The following ENO1 variants were observed in gnomAD, a reference collection of about 807,000 sequenced individuals.
The protein encoded by ENO1 is enolase 1.
ENO1 carries 33 observed loss-of-function variants against 46.3 expected under a neutral mutation model. The observed-to-expected ratio is 0.71, with a 90% confidence interval of 0.54 to 0.95. The LOEUF (loss-of-function observed/expected upper bound fraction) is 0.95, where lower values mean the gene tolerates loss of function less well. Among genes scored for constraint, ENO1 ranks in the 40% least tolerant of loss-of-function variants. ENO1 has a pLI of 0.00. For synonymous variants in ENO1, 220 were observed against 216.0 expected (o/e 1.02, Z -0.16); for missense variants, 488 against 553.3 (o/e 0.88, Z 1.18).
Position 8,862,965 on chromosome 1 carries a change from A to G in ENO1, c.1177-20T>C. On this transcript the variant is annotated intron_variant, in intron 10 of 11. Transcript: ENST00000234590. The stretch of plus-strand genomic sequence containing the variant: ...CTTGATCTAGGAGAAAAGAAAGGCC[A>G]TTTGCTTACAGCGGACAAGCTTTGC... 6.2e-7 allele frequency: 1 copy of G among 1,613,780 alleles called. No homozygotes were observed. The highest frequency in any genetic ancestry group is 8.5e-7 in the Non-Finnish European group (1 of 1,179,744).
intron 7 of ENO1, among the ~76,000 whole-genome samples, chr1:8,865,742 T>C (rs1642498511): frequency 6.6e-6 from 1 of 152,162 alleles, no homozygotes; most frequent in Non-Finnish European, 1.5e-5. Flanking sequence ...CCAAATTTAG[T>C]GCCCAGGAAC....
At chr1:8,873,468 C>A (rs1209419614) in intron 2 of ENO1, among the ~76,000 whole-genome samples, 1 of 152,214 alleles carries the variant, frequency 6.6e-6, no homozygotes, top group Non-Finnish European at 1.5e-5. Flanking sequence ...CAACAATCTT[C>A]TAGCATCTGG....
chr1:8,865,500 C>A lies in ENO1; in HGVS notation c.668-18G>T, dbSNP rs1275697380. 1 of 1,611,826 alleles carries A rather than the reference C, an allele frequency of 6.2e-7. No homozygotes were observed. The highest frequency in any genetic ancestry group is 1.7e-5 in the Admixed American group (1 of 59,978). On this transcript the variant is annotated intron_variant, in intron 7 of 11. Transcript: ENST00000234590. ...CTCCAGGCCTGGGAAGAGATGGTGA[C>A]AACAGGTTTGGAAAACAGGTAGGTA... is the stretch of plus-strand genomic sequence containing the variant.
chr1:8,861,261 C>A lies in ENO1; in HGVS notation c.*99G>T. The A allele has an allele frequency of 1.6e-6, 2 of 1,259,534 alleles. No individual in the cohort carries two copies. The highest frequency in any genetic ancestry group is 2.3e-6 in the Non-Finnish European group (2 of 870,728). The allele number at this position is 1,259,534 out of a possible 1,614,324, so 78.0% of individuals were successfully genotyped here. Reference sequence around the variant, plus strand: ...GGTGGGGCGCTAACTAGCAGGGACCCCTGCAAGTGTTGGTCGGGGGCCTCG... The same window carrying A: ...GGTGGGGCGCTAACTAGCAGGGACCACTGCAAGTGTTGGTCGGGGGCCTCG... On this transcript the variant is annotated 3_prime_UTR_variant, in exon 12 of 12. Transcript: ENST00000234590.
Position 8,875,008 on chromosome 1 carries a change from C to T in ENO1, c.-9-91G>A. On this transcript the variant is annotated intron_variant, in intron 1 of 11. Coordinates refer to ENST00000234590, the MANE Select transcript of ENO1 (RefSeq NM_001428.5). ...AGGAATCACTTCCGAGGTTCGTGGA[C>T]TAGAGAGAATCAGCACTGGACTAAA... 3 of 1,095,550 alleles carry T rather than the reference C, an allele frequency of 2.7e-6. No homozygotes were observed. The South Asian group carries it at 4.1e-5, about 15-fold the overall frequency. 67.9% of individuals were successfully genotyped at this position (1,095,550 alleles called of 1,614,324 possible).
Position 8,865,349 on chromosome 1 carries a change from G to A in ENO1, c.801C>T (p.Pro267=), listed in dbSNP as rs1292477022. The A allele has an allele frequency of 1.2e-6, 2 of 1,614,208 alleles. No individual in the cohort carries two copies. Among genetic ancestry groups the A allele is most frequent in the Non-Finnish European group, 1.7e-6 (2 of 1,180,034 alleles). Residue 267 remains proline (P), a synonymous_variant, in exon 8 of 12, where the codon CCC becomes CCT. Coordinates refer to ENST00000234590, the MANE Select transcript of ENO1 (RefSeq NM_001428.5). ...GCTGGTCAGGCGAGATGTACCTGCT[G>A]GGGTCATCGGGAGACTTGAAGTCCA... The part of the protein sequence containing the change: ...YDLDFKSPDD[P]SRYISPDQLA...
chr1:8,869,935 G>T (rs541229444), intron 4 of ENO1, among the ~76,000 whole-genome samples: 1 of 152,326 alleles, frequency 6.6e-6, no homozygotes, highest in South Asian at 2.1e-4. Context: ...GGGACGGGCC[G>T]AAGGGAGGGT....
intron 3 of ENO1, chr1:8,871,469 G>A (rs1642631281): frequency 9.9e-7 from 1 of 1,008,758 alleles, no homozygotes. Context: ...ATTCAGGGCA[G>A]GTCATTGGTT....
In ENO1 at chr1:8,865,458, A is replaced by G; in HGVS notation, c.692T>C (p.Ile231Thr). 3 of 1,613,330 alleles carry G rather than the reference A, an allele frequency of 1.9e-6. No homozygotes were observed. Among genetic ancestry groups the G allele is most frequent in the Non-Finnish European group, 2.5e-6 (3 of 1,180,002 alleles). Residue 231 changes from isoleucine (I) to threonine (T), a missense_variant, in exon 8 of 12, where the codon ATT (isoleucine) becomes ACT (threonine). Ile to Thr is a moderately conservative substitution (Grantham distance 89). Transcript: ENST00000234590. ...KEGLELLKTA[I>T]GKAGYTDKVV... ...CTTATCAGTGTAGCCAGCTTTCCCAATAGCAGTCTTCAGCAGCTCCAGGCC... is the reference window on the plus strand; with the variant it reads ...CTTATCAGTGTAGCCAGCTTTCCCAGTAGCAGTCTTCAGCAGCTCCAGGCC...
At chr1:8,862,444 A>T (rs571677716) in intron 11 of ENO1, among the ~76,000 whole-genome samples, 1 of 152,090 alleles carries the variant, frequency 6.6e-6, no homozygotes, top group Non-Finnish European at 1.5e-5. Flanking sequence ...GGAAAGGGAG[A>T]CCAGAACAGC....
chr1:8,871,809 C>A, intron 3 of ENO1, 82 bp downstream of exon 3: 1 of 1,468,028 alleles, frequency 6.8e-7, no homozygotes, highest in South Asian at 1.2e-5. Flanking sequence ...GTGCAAGTGC[C>A]ACCCAGAGAG....
Position 8,865,291 on chromosome 1 carries a change from A to G in ENO1, c.859T>C (p.Tyr287His). ...GCACTCGGGGAACACTCACCTGGGT[A>G]GTCCTTGATGAAGGACTTGTACAGG... ...ADLYKSFIKD[Y>H]PVVSIEDPFD... The change falls in exon 8 of 12, where the codon TAC becomes CAC. Residue 287 changes from tyrosine (Y) to histidine (H), a missense_variant. By Grantham distance (83) the Tyr-to-His change is moderately conservative (BLOSUM62 2). Transcript: ENST00000234590. 6.2e-7 allele frequency: 1 copy of G among 1,614,196 alleles called. No individual in the cohort carries two copies. The highest frequency in any genetic ancestry group is 1.1e-5 in the South Asian group (1 of 91,088).
intron 2 of ENO1, among the ~76,000 whole-genome samples, chr1:8,873,494 A>G (rs1051687492): frequency 2.6e-5 from 4 of 152,306 alleles, no homozygotes; most frequent in African/African-American, 9.6e-5. Context: ...TTTGTTGCTT[A>G]AAGTTCATTA....
chr1:8,866,283 T>C lies in ENO1; in HGVS notation c.663A>G (p.Lys221=), dbSNP rs778837027. ...GGFAPNILEN[K]EGLELLKTAI... ...GCGGTTCCCTAGCGCCTTTACCTTC[T>C]TTATTCTCCAGGATGTTGGGAGCAA... is the stretch of plus-strand genomic sequence containing the variant. Residue 221 remains lysine, a synonymous_variant, in exon 7 of 12, where the codon AAA becomes AAG. Transcript: ENST00000234590. 5 of 1,613,864 alleles carry C rather than the reference T, an allele frequency of 3.1e-6. No homozygotes were observed. Among genetic ancestry groups the C allele is most frequent in the Non-Finnish European group, 4.2e-6 (5 of 1,180,032 alleles).
chr1:8,871,826 ACTGGG>A, intron 3 of ENO1, 60 bp downstream of exon 3: 1 of 1,553,984 alleles, frequency 6.4e-7, no homozygotes, highest in Non-Finnish European at 8.9e-7. Flanking sequence ...AGAGGACAGG[ACTGGG>A]CAAGGCCAGG....
At chr1:8,876,206 C>T (rs1642728609) in intron 1 of ENO1, 1 of 152,116 alleles carries the variant, frequency 6.6e-6, no homozygotes, top group Admixed American at 6.6e-5. Context: ...TACCTGGGCT[C>T]CCCTCCAACA....
chr1:8,863,275 G>T lies in ENO1; in HGVS notation c.1136C>A (p.Thr379Asn). The change falls in exon 10 of 12, where the codon ACC (threonine) becomes AAC (asparagine). Residue 379 changes from threonine to asparagine, a missense_variant. Transcript: ENST00000234590. ...VSHRSGETED[T>N]FIADLVVGLC... ...CCCCACAACCAGGTCAGCGATGAAG[G>T]TATCTTCAGTCTCCCCCGAACGATG... is the stretch of plus-strand genomic sequence containing the variant. 3 of 1,614,148 alleles carry T rather than the reference G, an allele frequency of 1.9e-6. No individual in the cohort carries two copies. Among genetic ancestry groups the T allele is most frequent in the Non-Finnish European group, 1.7e-6 (2 of 1,180,030 alleles).
Position 8,866,223 on chromosome 1 carries a change from C to T in ENO1, c.667+56G>A, listed in dbSNP as rs546389523. ...GTGGCAGGTGTGGACGACCCCCCAA[C>T]AGAGGGAGCTGGCGCTGCAGGGCTG... On this transcript the variant is annotated intron_variant, in intron 7 of 11. Transcript: ENST00000234590. 51 of 1,504,974 alleles carry T rather than the reference C, an allele frequency of 3.4e-5. No homozygotes were observed. The African/African-American group carries it at 6.6e-4, about 20-fold the overall frequency. 93.2% of individuals were successfully genotyped at this position (1,504,974 alleles called of 1,614,324 possible). A position where few individuals can be genotyped will look rare whatever the true frequency, so the allele number is the denominator to read the frequency against.
At position 8,861,071 on chromosome 1, in the gene ENO1, G is replaced by T. The variant is rs943190387; in HGVS notation, c.*289C>A. 2.7e-6 allele frequency: 1 copy of T among 365,942 alleles called. No homozygotes were observed. Among genetic ancestry groups the T allele is most frequent in the Non-Finnish European group, 5.0e-6 (1 of 200,208 alleles). The allele number at this position is 365,942 out of a possible 1,614,324, so 22.7% of individuals were successfully genotyped here. On this transcript the variant is annotated 3_prime_UTR_variant, in exon 12 of 12. Transcript: ENST00000234590. Reference sequence around the variant, plus strand: ...CGGGGATCTAGCCTGTGGCCACCCCGGAGATGACACGAGGCTCACATGACT... The same window carrying T: ...CGGGGATCTAGCCTGTGGCCACCCCTGAGATGACACGAGGCTCACATGACT...
Sources: gnomAD v4.1 joint callset for allele counts (sites outside exome capture counted in the v4.1 genomes callset) on GRCh38, gnomAD v4.1.1 for gene constraint, MANE v1.5 for transcripts, NCBI Gene and HGNC (gene_info 2026-07-23, HGNC 2026-07-21) for gene names.